The following MACROD2 variants were observed in gnomAD, a reference collection of about 807,000 sequenced individuals.
MACROD2 encodes mono-ADP ribosylhydrolase 2, also known as ADP-ribose glycohydrolase MACROD2.
MACROD2 carries 36 observed loss-of-function variants against 70.4 expected under a neutral mutation model. The observed-to-expected ratio is 0.51, with a 90% CI of 0.39 to 0.68. MACROD2 has a LOEUF of 0.68. Ranked by LOEUF, MACROD2 falls within the 30% of genes least tolerant of loss-of-function variation. MACROD2 has a pLI of 0.00. For synonymous variants in MACROD2, 172 were observed against 178.8 expected, an observed-to-expected ratio of 0.96 and a Z score of 0.30; for missense variants, 496 against 538.4, an observed-to-expected ratio of 0.92 and a Z score of 0.78.
chr20:15,381,514 A>C (rs2045644121), intron 6 of MACROD2, among the ~76,000 whole-genome samples: 1 of 152,002 alleles, frequency 6.6e-6, no homozygotes, highest in Non-Finnish European at 1.5e-5. Flanking sequence ...AAAAATACAA[A>C]AATTAGCTGA....
At chr20:15,526,620 G>A (rs141612939) in intron 8 of MACROD2, among the ~76,000 whole-genome samples, 4 of 152,172 alleles carry the variant, frequency 2.6e-5, no homozygotes, top group African/African-American at 9.7e-5. Context: ...AGAAAAGGTG[G>A]GTTGACTGTT....
intron 4 of MACROD2, chr20:14,628,952 T>C (rs1363793773): frequency 6.6e-6 from 1 of 152,238 alleles, no homozygotes; most frequent in Non-Finnish European, 1.5e-5. Context: ...TTGGTGATGT[T>C]TTCTATGTTC....
At chr20:15,205,387 A>T (rs980614626) in intron 5 of MACROD2, among the ~76,000 whole-genome samples, 1 of 148,178 alleles carries the variant, frequency 6.7e-6, no homozygotes, top group Admixed American at 6.8e-5. Context: ...AGGGGCTTCT[A>T]TTTTTTTTTT....
chr20:14,444,859 G>A (rs181341460), intron 3 of MACROD2, among the ~76,000 whole-genome samples: 2 of 151,806 alleles, frequency 1.3e-5, no homozygotes, highest in Non-Finnish European at 2.9e-5. Flanking sequence ...GTGTGTGTGT[G>A]TATGTGTTTG....
chr20:15,219,992 A>T (rs1265528151), intron 5 of MACROD2, among the ~76,000 whole-genome samples: 6 of 137,796 alleles, frequency 4.4e-5, no homozygotes, highest in East Asian at 2.1e-4. Flanking sequence ...ATCACTGCAC[A>T]TTTTTTTTTT....
intron 5 of MACROD2, among the ~76,000 whole-genome samples, chr20:14,923,891 T>G (rs2074195850): frequency 1.3e-5 from 2 of 152,012 alleles, no homozygotes; most frequent in South Asian, 2.1e-4. Context: ...TCTCTGCAAC[T>G]TTTTCACCAG....
intron 5 of MACROD2, among the ~76,000 whole-genome samples, chr20:14,912,593 G>A (rs963744577): frequency 6.6e-6 from 1 of 152,126 alleles, no homozygotes; most frequent in Non-Finnish European, 1.5e-5. Context: ...AATGACTTCA[G>A]ACAGTAATCA....
chr20:16,032,973 C>T (rs930431966), intron 15 of MACROD2, among the ~76,000 whole-genome samples: 2 of 152,054 alleles, frequency 1.3e-5, no homozygotes, highest in Non-Finnish European at 2.9e-5. Flanking sequence ...AAGCCTTTGA[C>T]TTATTTTGCG....
intron 3 of MACROD2, among the ~76,000 whole-genome samples, chr20:14,411,713 G>T (rs566339287): frequency 6.6e-6 from 1 of 152,022 alleles, no homozygotes; most frequent in Non-Finnish European, 1.5e-5. Context: ...TTCTCATCTT[G>T]TTTTATTTTT....
rs1201012987 is a variant in MACROD2, at chr20:14,582,276, A to T, written c.301+88768A>T. Among the ~76,000 whole-genome samples the T allele has an allele frequency of 3.9e-5, 6 of 152,030 alleles. No individual in the cohort carries two copies. The East Asian group carries it at 7.7e-4, about 20-fold the overall frequency. On this transcript the variant is annotated intron_variant, in intron 4 of 17. Transcript: ENST00000684519. ...TTAAAATCACGTTATTTTTCTACTT[A>T]ATACATTCAGTTTATCATATTATGA...
rs1388413160 is a variant in MACROD2 at position 14,655,226 on chromosome 20, A to AGAGTGTAGCTCTACTGTCAGT, written c.302-29615_302-29595dup. ...ATCTATTTCATCTTTGTATTCTAAAAGAGTGTAGCTCTACTGTCAGTGGAA... is the reference window on the plus strand; with the variant it reads ...ATCTATTTCATCTTTGTATTCTAAAAGAGTGTAGCTCTACTGTCAGTGAGTGTAGCTCTACTGTCAGTGGAA... On this transcript the variant is annotated intron_variant, in intron 4 of 17. Coordinates refer to ENST00000684519, the MANE Select transcript of MACROD2 (RefSeq NM_001351661.2). 2.6e-5 allele frequency among the ~76,000 whole-genome samples: 4 copies of AGAGTGTAGCTCTACTGTCAGT among 152,244 alleles called. No homozygotes were observed. In the East Asian group the frequency reaches 7.7e-4, roughly 29 times the overall value.
At chr20:15,081,695 C>T (rs1016316968) in intron 5 of MACROD2, among the ~76,000 whole-genome samples, 2 of 152,098 alleles carry the variant, frequency 1.3e-5, no homozygotes, top group African/African-American at 4.8e-5. Context: ...GAGACCACCC[C>T]TCTGATAGGA....
At chr20:14,263,412 C>G (rs1306717738) in intron 3 of MACROD2, among the ~76,000 whole-genome samples, 2 of 152,046 alleles carry the variant, frequency 1.3e-5, no homozygotes. Flanking sequence ...TGTCTGTTAC[C>G]CTTTGAAGGA....
chr20:15,244,073 A>G (rs1238290995), intron 6 of MACROD2, among the ~76,000 whole-genome samples: 2 of 152,232 alleles, frequency 1.3e-5, no homozygotes, highest in Admixed American at 1.3e-4. Flanking sequence ...CCTAATTACT[A>G]TATTTTACTA....
intron 4 of MACROD2, among the ~76,000 whole-genome samples, chr20:14,498,339 A>G (rs1600305052): frequency 6.6e-6 from 1 of 152,380 alleles, no homozygotes; most frequent in South Asian, 2.1e-4. Flanking sequence ...ATGTGCTGTT[A>G]TATCATAGAT....
chr20:15,698,218 T>C (rs1162522505), intron 8 of MACROD2, among the ~76,000 whole-genome samples: 2 of 152,206 alleles, frequency 1.3e-5, no homozygotes, highest in Non-Finnish European at 2.9e-5. Flanking sequence ...GGTTCCAGGA[T>C]TTGTTTCAAG....
intron 5 of MACROD2, among the ~76,000 whole-genome samples, chr20:14,840,488 C>T (rs941268765): frequency 1.3e-5 from 2 of 152,124 alleles, no homozygotes; most frequent in African/African-American, 4.8e-5. Flanking sequence ...CCTCCCACCT[C>T]AGCCTCTCAA....
At chr20:15,350,768 G>T (rs552281753) in intron 6 of MACROD2, among the ~76,000 whole-genome samples, 2 of 152,090 alleles carry the variant, frequency 1.3e-5, no homozygotes. Context: ...TTTCATTGAA[G>T]CAACTTAGAC....
chr20:14,872,108 T>A (rs1410149684), intron 5 of MACROD2, among the ~76,000 whole-genome samples: 2 of 151,938 alleles, frequency 1.3e-5, no homozygotes, highest in African/African-American at 4.8e-5. Flanking sequence ...ATTCGACAGA[T>A]CACTGAGACA....
Sources: gnomAD v4.1 joint callset for allele counts (sites outside exome capture counted in the v4.1 genomes callset) on GRCh38, gnomAD v4.1.1 for gene constraint, MANE v1.5 for transcripts, NCBI Gene and HGNC (gene_info 2026-07-23, HGNC 2026-07-21) for gene names.